The following GALNT18 variants were observed in gnomAD, a reference collection of about 807,000 sequenced individuals.
The protein encoded by GALNT18 is polypeptide N-acetylgalactosaminyltransferase 18.
GALNT18 carries 44 observed loss-of-function variants against 69.5 expected under a neutral mutation model. The observed-to-expected ratio is 0.63, with a 90% CI of 0.50 to 0.81. The LOEUF is 0.81. Ranked by LOEUF, GALNT18 falls within the 40% of genes least tolerant of loss-of-function variation. The pLI, the probability that GALNT18 is intolerant of heterozygous loss-of-function variation, is 0.00. For missense variants in GALNT18, 715 were observed against 810.0 expected (o/e 0.88, Z 1.42); for synonymous variants, 364 against 318.2 (o/e 1.14, Z -1.53).
chr11:11,608,477 A>T (rs568314419), intron 1 of GALNT18, among the ~76,000 whole-genome samples: 2 of 152,194 alleles, frequency 1.3e-5, no homozygotes, highest in Admixed American at 6.5e-5. Context: ...CTCCTGCCTC[A>T]GTCTCCTGAG....
intron 1 of GALNT18, among the ~76,000 whole-genome samples, chr11:11,525,924 G>A (rs1857512883): frequency 6.6e-6 from 1 of 152,064 alleles, no homozygotes; most frequent in African/African-American, 2.4e-5. Flanking sequence ...ATGAGCCACC[G>A]TGCCCGGCCA....
chr11:11,282,609 A>G (rs1590003926), intron 10 of GALNT18, among the ~76,000 whole-genome samples: 1 of 152,224 alleles, frequency 6.6e-6, no homozygotes. Context: ...GCCCTTGCCT[A>G]TCACAGTGGT....
chr11:11,351,870 C>G (rs1850412643), intron 6 of GALNT18: 1 of 1,188,380 alleles, frequency 8.4e-7, no homozygotes, highest in Non-Finnish European at 1.2e-6. Flanking sequence ...CCCCTCCCCG[C>G]CAGGCGCAAG....
intron 1 of GALNT18, among the ~76,000 whole-genome samples, chr11:11,532,478 C>T (rs1857676571): frequency 6.6e-6 from 1 of 152,172 alleles, no homozygotes; most frequent in Non-Finnish European, 1.5e-5. Flanking sequence ...TCTCAGTCTC[C>T]CTTACCCAGA....
At position 11,600,963 on chromosome 11, in the gene GALNT18, C is replaced by T. The variant is rs1042835096; in HGVS notation, c.235+20396G>A. ...TTTTCTTTTCATTTCTTAAACATTT[C>T]AAGTCCCAAATTTCCACTTAACTAT... On this transcript the variant is annotated intron_variant, in intron 1 of 10. Transcript: ENST00000227756. This position sits in a 1 kb window ranked among gnomAD's most constrained non-coding sequence, Gnocchi z 4.8. Among the ~76,000 whole-genome samples the T allele has an allele frequency of 2.0e-5, 3 of 150,778 alleles. No homozygotes were observed. Among genetic ancestry groups the T allele is most frequent in the South Asian group, 2.1e-4 (1 of 4,800 alleles).
At position 11,523,726 on chromosome 11, in the gene GALNT18, A is replaced by G. The variant is rs1316747328; in HGVS notation, c.236-74790T>C. ...AGAGCGAGACTCCATCTCAAAAAAA[A>G]AAAAAAATATCGTACACCCTGCCTC... On this transcript the variant is annotated intron_variant, in intron 1 of 10. Coordinates refer to ENST00000227756, the MANE Select transcript of GALNT18 (RefSeq NM_198516.3). The surrounding 1 kb of genome is among the most constrained non-coding windows in gnomAD (Gnocchi z 4.3). Among the ~76,000 whole-genome samples, 1 of 152,146 alleles carries G rather than the reference A, an allele frequency of 6.6e-6. No homozygotes were observed. Among genetic ancestry groups the G allele is most frequent in the African/African-American group, 2.4e-5 (1 of 41,506 alleles).
chr11:11,377,361 G>C lies in GALNT18; in HGVS notation c.798C>G (p.Thr266=). The C allele has an allele frequency of 6.2e-7, 1 of 1,613,724 alleles. No homozygotes were observed. Among genetic ancestry groups the C allele is most frequent in the Non-Finnish European group, 8.5e-7 (1 of 1,179,962 alleles). The change falls in exon 5 of 11, where the codon ACC becomes ACG. Residue 266 remains threonine, a synonymous_variant. Coordinates refer to ENST00000227756, the MANE Select transcript of GALNT18 (RefSeq NM_198516.3). This position sits in a 1 kb window ranked among gnomAD's most constrained non-coding sequence, Gnocchi z 4.6. ...TCCGCTTCCGGTTCTCCTTGATGCGGGTGAGTACAGGTTCAGCCCTGGGCA... is the reference window on the plus strand; with the variant it reads ...TCCGCTTCCGGTTCTCCTTGATGCGCGTGAGTACAGGTTCAGCCCTGGGCA... ...FNVGWAEPVL[T]RIKENRKRII...
At chr11:11,516,680 T>C (rs1857284494) in intron 1 of GALNT18, among the ~76,000 whole-genome samples, 1 of 152,164 alleles carries the variant, frequency 6.6e-6, no homozygotes, top group Admixed American at 6.5e-5. Context: ...CCTCAGAGTC[T>C]GCCTTTCCTC....
intron 3 of GALNT18, among the ~76,000 whole-genome samples, chr11:11,393,208 C>A (rs992762591): frequency 2.0e-5 from 3 of 152,320 alleles, no homozygotes; most frequent in African/African-American, 7.2e-5. Flanking sequence ...CAAAACCTTT[C>A]TTATCAGCCC....
At chr11:11,528,330 G>A (rs79051421) in intron 1 of GALNT18, among the ~76,000 whole-genome samples, 1,763 of 152,274 alleles carry the variant, frequency 0.012, 35 homozygotes, top group African/African-American at 0.041. Context: ...AAATTTTGAC[G>A]GAACTCAAAT....
rs1048195882 is a variant in GALNT18, at chr11:11,542,350, T to C, written c.235+79009A>G. ...ACGCCTCCATGCTACCATAGCAACC[T>C]GGACCTCCTCTCCAGATCACTCCTA... On this transcript the variant is annotated intron_variant, in intron 1 of 10. Coordinates refer to ENST00000227756, the MANE Select transcript of GALNT18 (RefSeq NM_198516.3). This position sits in a 1 kb window ranked among gnomAD's most constrained non-coding sequence, Gnocchi z 4.3. Among the ~76,000 whole-genome samples the C allele has an allele frequency of 2.0e-5, 3 of 152,198 alleles. No homozygotes were observed. The highest frequency in any genetic ancestry group is 4.4e-5 in the Non-Finnish European group (3 of 68,032).
At chr11:11,334,127 G>A (rs1564898841) in intron 7 of GALNT18, among the ~76,000 whole-genome samples, 1 of 152,170 alleles carries the variant, frequency 6.6e-6, no homozygotes, top group Non-Finnish European at 1.5e-5. Flanking sequence ...TCCAGGGATT[G>A]AGTTACTGAG....
rs1473386466 is a variant in GALNT18, at chr11:11,377,148, A to T, written c.977+34T>A. 3.7e-6 allele frequency: 6 copies of T among 1,600,534 alleles called. No homozygotes were observed. Among genetic ancestry groups the T allele is most frequent in the Non-Finnish European group, 5.1e-6 (6 of 1,169,926 alleles). The stretch of plus-strand genomic sequence containing the variant: ...AGGCGGTCCCTAGCCTGGAGGTCAA[A>T]GCGGAGAGACCCACAGGTAAAGGTT... On this transcript the variant is annotated intron_variant, in intron 5 of 10. Transcript: ENST00000227756. The surrounding 1 kb of genome is among the most constrained non-coding windows in gnomAD (Gnocchi z 4.6).
intron 1 of GALNT18, among the ~76,000 whole-genome samples, chr11:11,532,167 G>A (rs1857666567): frequency 6.6e-6 from 1 of 151,976 alleles, no homozygotes; most frequent in South Asian, 2.1e-4. Context: ...CTAAGCCCCT[G>A]GAGGACAAGG....
chr11:11,331,175 A>C (rs1011619193), intron 8 of GALNT18, among the ~76,000 whole-genome samples: 2 of 152,054 alleles, frequency 1.3e-5, no homozygotes, highest in Non-Finnish European at 2.9e-5. Flanking sequence ...GGATCTGGAG[A>C]CTCAGGTACT....
chr11:11,588,290 C>T (rs1859273359), intron 1 of GALNT18, among the ~76,000 whole-genome samples: 1 of 152,120 alleles, frequency 6.6e-6, no homozygotes, highest in African/African-American at 2.4e-5. Context: ...TTTTTGTAGG[C>T]AGAACTACAT....
chr11:11,446,426 T>A (rs1254155991), intron 2 of GALNT18, among the ~76,000 whole-genome samples: 1 of 152,218 alleles, frequency 6.6e-6, no homozygotes, highest in East Asian at 1.9e-4. Flanking sequence ...GCTCTTCTTC[T>A]GGCCAAGGTC....
In GALNT18 at chr11:11,341,954, T is replaced by C. The variant is rs1850215934; in HGVS notation, c.1093-950A>G. ...CTGGGCAACATAGTGAGATCCTGTC[T>C]CTAAAACATTAAAATTTTTTTTTTT... On this transcript the variant is annotated intron_variant, in intron 6 of 10. Coordinates refer to ENST00000227756, the MANE Select transcript of GALNT18 (RefSeq NM_198516.3). The surrounding 1 kb of genome is among the most constrained non-coding windows in gnomAD (Gnocchi z 6.3). 6.9e-6 allele frequency among the ~76,000 whole-genome samples: 1 copy of C among 145,898 alleles called. No homozygotes were observed. The highest frequency in any genetic ancestry group is 2.6e-5 in the African/African-American group (1 of 39,000).
At chr11:11,438,480 T>C (rs1174240844) in intron 2 of GALNT18, among the ~76,000 whole-genome samples, 1 of 152,274 alleles carries the variant, frequency 6.6e-6, no homozygotes, top group Non-Finnish European at 1.5e-5. Context: ...TTAGATGTTT[T>C]TACTATTTTC....
Sources: gnomAD v4.1 joint callset for allele counts (sites outside exome capture counted in the v4.1 genomes callset) on GRCh38, gnomAD v4.1.1 for gene constraint, Gnocchi (gnomAD v3.1) non-coding constraint, MANE v1.5 for transcripts, NCBI Gene and HGNC (gene_info 2026-07-23, HGNC 2026-07-21) for gene names.